TRPM3: variants seen among roughly 807,000 people sequenced by gnomAD.
TRPM3 encodes long transient receptor potential channel 3.
TRPM3 carries 77 observed loss-of-function variants against 181.2 expected under a neutral mutation model. The observed-to-expected ratio is 0.42, with a 90% confidence interval of 0.35 to 0.51. The LOEUF (loss-of-function observed/expected upper bound fraction) is 0.51, where lower values mean the gene tolerates loss of function less well. TRPM3 is among the 20% of genes least tolerant of loss of function. The probability of loss-of-function intolerance (pLI) is 0.01; values close to 1 mark genes in which losing one functional copy is unlikely to be tolerated. For synonymous variants in TRPM3, 745 were observed against 796.4 expected, an observed-to-expected ratio of 0.94 and a Z score of 1.09; for missense variants, 1,759 against 2,196.7, an observed-to-expected ratio of 0.80 and a Z score of 3.98.
At chr9:70,793,137 C>T (rs533881401) in intron 6 of TRPM3, among the ~76,000 whole-genome samples, 2 of 152,246 alleles carry the variant, frequency 1.3e-5, no homozygotes, top group South Asian at 2.1e-4. Context: ...TTCCTACAGA[C>T]ATGTTTCTGC....
chr9:71,142,492 ATATATACACACG>A (rs1382759958), intron 1 of TRPM3, among the ~76,000 whole-genome samples: 2 of 152,108 alleles, frequency 1.3e-5, no homozygotes, highest in African/African-American at 4.8e-5. Flanking sequence ...ATATATACAT[ATATATACACACG>A]TATATACACA....
At chr9:71,366,567 A>G (rs1340297694) in intron 1 of TRPM3, among the ~76,000 whole-genome samples, 1 of 152,198 alleles carries the variant, frequency 6.6e-6, no homozygotes, top group East Asian at 1.9e-4. Flanking sequence ...TAGGGCCACT[A>G]TAATTACCTT....
intron 7 of TRPM3, among the ~76,000 whole-genome samples, chr9:70,779,874 T>C (rs1379750513): frequency 2.0e-5 from 3 of 152,228 alleles, no homozygotes; most frequent in East Asian, 1.9e-4. Flanking sequence ...GAAAATCCAT[T>C]ATGCCAATGA....
chr9:70,574,287 A>G lies in TRPM3; in HGVS notation c.3223+16744T>C, dbSNP rs553290322. Among the ~76,000 whole-genome samples the G allele has an allele frequency of 2.0e-5, 3 of 152,132 alleles. No individual in the cohort carries two copies. The South Asian group carries it at 6.2e-4, about 32-fold the overall frequency. On this transcript the variant is annotated intron_variant, in intron 22 of 25. Transcript: ENST00000677713. ...GCCTTCTCCAGCTTTATTCCCTACC[A>G]TTCTCTCCTTGCACATCACACTTCC...
intron 1 of TRPM3, among the ~76,000 whole-genome samples, chr9:71,135,028 A>T (rs1005556941): frequency 1.3e-5 from 2 of 152,214 alleles, no homozygotes; most frequent in African/African-American, 4.8e-5. Context: ...TCATAGGAAC[A>T]TACCTACCTA....
intron 1 of TRPM3, among the ~76,000 whole-genome samples, chr9:71,158,361 C>G (rs1329959205): frequency 6.6e-6 from 1 of 152,076 alleles, no homozygotes; most frequent in Non-Finnish European, 1.5e-5. Context: ...ACTTCTAAAC[C>G]CATACTACCT....
chr9:70,934,995 A>G (rs143485071), intron 1 of TRPM3, among the ~76,000 whole-genome samples: 1 of 152,318 alleles, frequency 6.6e-6, no homozygotes, highest in Non-Finnish European at 1.5e-5. Context: ...CTTAGAGAAT[A>G]AAATGTAAAT....
chr9:71,444,589 G>A (rs2094179324), intron 1 of TRPM3, among the ~76,000 whole-genome samples: 1 of 151,810 alleles, frequency 6.6e-6, no homozygotes. Flanking sequence ...AATCTTTACA[G>A]GTTAGGCTAT....
chr9:71,116,359 T>C (rs2072379864), intron 1 of TRPM3, among the ~76,000 whole-genome samples: 1 of 152,224 alleles, frequency 6.6e-6, no homozygotes, highest in Non-Finnish European at 1.5e-5. Context: ...TAGATGTGAA[T>C]GGGACAACTT....
intron 9 of TRPM3, among the ~76,000 whole-genome samples, chr9:70,666,700 T>G (rs1300175234): frequency 6.6e-6 from 1 of 152,204 alleles, no homozygotes; most frequent in African/African-American, 2.4e-5. Context: ...CTCTTGCTCC[T>G]GTGTTCCTCT....
rs192943058 is a variant in TRPM3, at chr9:70,655,284, C to T, written c.1346-14624G>A. Among the ~76,000 whole-genome samples, 26 of 105,394 alleles carry T rather than the reference C, an allele frequency of 2.5e-4. No individual in the cohort carries two copies. The East Asian group carries it at 5.8e-3, about 24-fold the overall frequency. 69.1% of individuals were successfully genotyped at this position (105,394 alleles called of 152,430 possible). On this transcript the variant is annotated intron_variant, in intron 9 of 25. Transcript: ENST00000677713. Reference sequence around the variant, plus strand: ...TCATGCCCCTAAACTCCAGCCTGGGCGAAAGAGTGAGACTCCGTCTCAAAA... The same window carrying T: ...TCATGCCCCTAAACTCCAGCCTGGGTGAAAGAGTGAGACTCCGTCTCAAAA...
In TRPM3 at chr9:70,610,665, C is replaced by T. The variant is rs182875508; in HGVS notation, c.2611G>A (p.Gly871Ser). The change falls in exon 19 of 26, where the codon GGC becomes AGC. Residue 871 changes from glycine to serine, a missense_variant. Physicochemically the swap from Gly to Ser is moderately conservative, Grantham distance 56 (BLOSUM62 0). Transcript: ENST00000677713. The part of the protein sequence containing the change: ...VQSKHRLIPL[G>S]RKIYEFYNAP... ...TTGTAGAATTCATAGATTTTTCTGC[C>T]GAGGGGGATTAACCGGTGCTTGCTC... The T allele has an allele frequency of 1.5e-4, 244 of 1,614,086 alleles. 1 individual carries two copies. Among genetic ancestry groups the T allele is most frequent in the South Asian group, 9.6e-4 (87 of 91,078 alleles).
chr9:70,899,767 C>T (rs1048815586), intron 1 of TRPM3, among the ~76,000 whole-genome samples: 1 of 152,190 alleles, frequency 6.6e-6, no homozygotes, highest in African/African-American at 2.4e-5. Flanking sequence ...CTGTGAACAA[C>T]ACTGGGTTAG....
intron 1 of TRPM3, among the ~76,000 whole-genome samples, chr9:71,421,050 C>T (rs1040279947): frequency 4.8e-5 from 7 of 145,790 alleles, no homozygotes; most frequent in Non-Finnish European, 9.0e-5. Flanking sequence ...AACGAACTCA[C>T]GTCCTTTGCA....
chr9:70,675,144 G>C (rs190012462), intron 9 of TRPM3, among the ~76,000 whole-genome samples: 2 of 151,744 alleles, frequency 1.3e-5, no homozygotes, highest in Non-Finnish European at 2.9e-5. Flanking sequence ...CTTGTCACCC[G>C]ATCTGGAGTG....
chr9:70,946,808 T>C (rs772518350), intron 1 of TRPM3, among the ~76,000 whole-genome samples: 10 of 152,196 alleles, frequency 6.6e-5, no homozygotes, highest in Non-Finnish European at 1.2e-4. Context: ...CCTGTTTTTG[T>C]ACTTTGCATA....
At chr9:71,186,051 T>C (rs575877488) in intron 1 of TRPM3, among the ~76,000 whole-genome samples, 1 of 152,172 alleles carries the variant, frequency 6.6e-6, no homozygotes, top group South Asian at 2.1e-4. Context: ...TAGTATTCGT[T>C]GGTTTGCAGC....
intron 7 of TRPM3, among the ~76,000 whole-genome samples, chr9:70,763,422 G>A (rs2078522455): frequency 6.6e-6 from 1 of 151,852 alleles, no homozygotes; most frequent in Non-Finnish European, 1.5e-5. Context: ...GAGGTGGGAG[G>A]ACCACTTCAG....
At chr9:70,898,504 C>T (rs1348933980) in intron 1 of TRPM3, among the ~76,000 whole-genome samples, 1 of 150,296 alleles carries the variant, frequency 6.7e-6, no homozygotes, top group African/African-American at 2.4e-5. Flanking sequence ...AATCCCAGCA[C>T]TTTGGGAGGC....
Sources: allele counts gnomAD v4.1 joint callset (sites outside exome capture counted in the v4.1 genomes callset), GRCh38; gene constraint gnomAD v4.1.1; transcripts MANE v1.5; gene names NCBI Gene and HGNC (gene_info 2026-07-23, HGNC 2026-07-21).